SUGP1: variants seen among roughly 807,000 people sequenced by gnomAD.
SUGP1 encodes the protein SURP and G-patch domain-containing protein 1.
SUGP1 carries 34 observed loss-of-function variants against 76.5 expected under a neutral mutation model. That is an observed-to-expected ratio of 0.44 (90% confidence interval 0.34 to 0.59). SUGP1 has a LOEUF of 0.59. SUGP1 is among the 20% of genes least tolerant of loss of function. The probability of loss-of-function intolerance (pLI) is 0.01; values close to 1 mark genes in which losing one functional copy is unlikely to be tolerated. For missense variants in SUGP1, 752 were observed against 851.7 expected (o/e 0.88, Z 1.46); for synonymous variants, 326 against 326.2 (o/e 1.00, Z 0.01).
intron 8 of SUGP1, among the ~76,000 whole-genome samples, chr19:19,285,128 A>C (rs1329421005): frequency 6.6e-6 from 1 of 151,904 alleles, no homozygotes; most frequent in Non-Finnish European, 1.5e-5. Context: ...CGGCCTCCCA[A>C]AGTGCTGGGA....
intron 8 of SUGP1, among the ~76,000 whole-genome samples, chr19:19,282,230 T>A (rs1419906212): frequency 6.6e-6 from 1 of 151,974 alleles, no homozygotes; most frequent in East Asian, 2.0e-4. Context: ...TCTGCCCACC[T>A]TGGCCTCCCA....
At chr19:19,318,403 A>G (rs1185756512) in intron 1 of SUGP1, among the ~76,000 whole-genome samples, 1 of 151,960 alleles carries the variant, frequency 6.6e-6, no homozygotes, top group African/African-American at 2.4e-5. Context: ...TACAGGCGTG[A>G]GCCACCACAC....
intron 7 of SUGP1, among the ~76,000 whole-genome samples, chr19:19,298,240 G>A (rs968529010): frequency 6.6e-6 from 1 of 152,226 alleles, no homozygotes; most frequent in African/African-American, 2.4e-5. Flanking sequence ...GCTCACGCCT[G>A]TAATCCCAGC....
intron 6 of SUGP1, 42 bp from the exon 7 acceptor site, chr19:19,302,430 CA>C (rs779880626): frequency 6.3e-7 from 1 of 1,598,172 alleles, no homozygotes; most frequent in Non-Finnish European, 8.5e-7. Context: ...TCACCACACC[CA>C]ACAGCCTAAT....
Position 19,305,851 on chromosome 19 carries a change from T to C in SUGP1, c.536A>G (p.Lys179Arg), listed in dbSNP as rs149077181. 32 of 1,601,398 alleles carry C rather than the reference T, an allele frequency of 2.0e-5. No homozygotes were observed. In the African/African-American group the frequency reaches 3.2e-4, roughly 16 times the overall value. ...EEDYEQWLEI[K>R]VSPPEGAETR... ...GAGCAGCAGCTCCCACAACTTACCT[T>C]TGATCTCCAGCCACTGCTCATAGTC... The change falls in exon 4 of 14, where the codon AAA (lysine) becomes AGA (arginine). Residue 179 changes from lysine (K) to arginine (R), a missense_variant and splice_region_variant. Around this residue, in one of 2 missense-constraint regions of SUGP1, gnomAD observed 620 missense variants for 617.3 expected, o/e 1.00. Coordinates refer to ENST00000247001, the MANE Select transcript of SUGP1 (RefSeq NM_172231.4).
Position 19,279,287 on chromosome 19 carries a change from C to G in SUGP1, c.1454G>C (p.Ser485Thr). 1 of 1,611,432 alleles carries G rather than the reference C, an allele frequency of 6.2e-7. No individual in the cohort carries two copies. Among genetic ancestry groups the G allele is most frequent in the Non-Finnish European group, 8.5e-7 (1 of 1,179,756 alleles). ...AVQQHQHGYD[S>T]DEEVDSELGT... ...CAGCTCGCTGTCCACCTCCTCATCA[C>G]TGTCATAGCCGTGCTGGTGCTGTTG... Residue 485 changes from serine (S) to threonine (T), a missense_variant, in exon 10 of 14, where the codon AGT becomes ACT. Ser to Thr is a moderately conservative substitution (Grantham distance 58). Coordinates refer to ENST00000247001, the MANE Select transcript of SUGP1 (RefSeq NM_172231.4).
At chr19:19,311,676 A>G (rs2285859) in intron 2 of SUGP1, among the ~76,000 whole-genome samples, 62,146 of 149,084 alleles carry the variant, frequency 0.42, 14,403 homozygotes, top group African/African-American at 0.62. Flanking sequence ...GCAGTGAGCC[A>G]AGATTGCGCC....
At chr19:19,318,595 T>C (rs189911812) in intron 1 of SUGP1, among the ~76,000 whole-genome samples, 1 of 152,178 alleles carries the variant, frequency 6.6e-6, no homozygotes, top group African/African-American at 2.4e-5. Context: ...GGCCTAGCTA[T>C]TTTCTTTTAT....
rs951792533 is a variant in SUGP1 at position 19,296,931 on chromosome 19, T to C, written c.1243+58A>G. ...CTGTGGATGAACCTTGAAGACATTA[T>C]GCTCAGTGAAAGAAGTCAGACCCTT... On this transcript the variant is annotated intron_variant, in intron 8 of 13. Transcript: ENST00000247001. The C allele has an allele frequency of 3.6e-6, 5 of 1,378,184 alleles. No homozygotes were observed. The African/African-American group carries it at 4.3e-5, about 12-fold the overall frequency. 85.4% of individuals were successfully genotyped at this position (1,378,184 alleles called of 1,614,324 possible).
chr19:19,280,356 G>T, intron 8 of SUGP1, 65 bp from the exon 9 acceptor site: 1 of 1,437,112 alleles, frequency 7.0e-7, no homozygotes, highest in Admixed American at 1.7e-5. Flanking sequence ...CTCCTGCGCT[G>T]GGGTGTGCTG....
intron 7 of SUGP1, 88 bp from the exon 8 acceptor site, chr19:19,297,432 C>CAGGAG: frequency 1.5e-4 from 160 of 1,077,542 alleles, no homozygotes; most frequent in Non-Finnish European, 1.9e-4. Context: ...GCCTTGTGTG[C>CAGGAG]CCACGTTGGC....
Position 19,289,001 on chromosome 19 carries a change from G to C in SUGP1, c.1243+7988C>G, listed in dbSNP as rs533738101. Reference sequence around the variant, plus strand: ...GAGTTTCACCATGTTGGTCAGGCTGGTCTCGGACTCCTGACCTTGTGATCT... The same window carrying C: ...GAGTTTCACCATGTTGGTCAGGCTGCTCTCGGACTCCTGACCTTGTGATCT... On this transcript the variant is annotated intron_variant, in intron 8 of 13. Transcript: ENST00000247001. Among the ~76,000 whole-genome samples the C allele has an allele frequency of 5.1e-4, 77 of 151,830 alleles. 1 individual carries two copies. The highest frequency in any genetic ancestry group is 1.7e-3 in the African/African-American group (69 of 41,476).
chr19:19,303,213 G>T, intron 6 of SUGP1, 135 bp downstream of exon 6: 1 of 699,328 alleles, frequency 1.4e-6, no homozygotes. Context: ...GACCCCAGAT[G>T]CCTGGGAGAA....
intron 7 of SUGP1, 88 bp from the exon 8 acceptor site, chr19:19,297,432 C>CAGGAGCAGTT: frequency 3.0e-4 from 326 of 1,077,592 alleles, no homozygotes; most frequent in Non-Finnish European, 3.8e-4. Context: ...GCCTTGTGTG[C>CAGGAGCAGTT]CCACGTTGGC....
At chr19:19,306,325 A>G (rs2061317697) in intron 3 of SUGP1, among the ~76,000 whole-genome samples, 1 of 152,154 alleles carries the variant, frequency 6.6e-6, no homozygotes, top group African/African-American at 2.4e-5. Flanking sequence ...GGCTGGAGGC[A>G]TCTCGGTCGC....
Position 19,303,438 on chromosome 19 carries a change from C to T in SUGP1, c.673G>A (p.Asp225Asn), listed in dbSNP as rs2146616402. 1.9e-6 allele frequency: 3 copies of T among 1,613,920 alleles called. No individual in the cohort carries two copies. Among genetic ancestry groups the T allele is most frequent in the East Asian group, 2.2e-5 (1 of 44,872 alleles). The change falls in exon 6 of 14, where the codon GAT (aspartate) becomes AAT (asparagine). Residue 225 changes from aspartate to asparagine, a missense_variant. Coordinates refer to ENST00000247001, the MANE Select transcript of SUGP1 (RefSeq NM_172231.4). ...TAGAGGAATTCCCTGCTATTCTTAT[C>T]GTGCAAAAATCTGGAGAGGAGGAAG... The part of the protein sequence containing the change: ...KDNPAFAFLH[D>N]KNSREFLYYR...
intron 2 of SUGP1, 149 bp from the exon 3 acceptor site, chr19:19,310,349 C>T (rs529902111): frequency 1.6e-6 from 1 of 641,526 alleles, no homozygotes; most frequent in Admixed American, 2.4e-5. Flanking sequence ...CCCAAACTGG[C>T]CCCCAGAGAT....
At chr19:19,292,637 C>G (rs2061194624) in intron 8 of SUGP1, among the ~76,000 whole-genome samples, 1 of 151,738 alleles carries the variant, frequency 6.6e-6, no homozygotes, top group Non-Finnish European at 1.5e-5. Context: ...TGCACTCCAG[C>G]CTGGGCAACA....
intron 8 of SUGP1, among the ~76,000 whole-genome samples, chr19:19,281,735 T>A (rs2061100513): frequency 1.3e-5 from 2 of 152,220 alleles, no homozygotes; most frequent in Admixed American, 1.3e-4. Context: ...TGCTCCACAG[T>A]GCAGGCTGCA....
Sources: allele counts gnomAD v4.1 joint callset (sites outside exome capture counted in the v4.1 genomes callset), GRCh38; gene constraint gnomAD v4.1.1; regional missense constraint gnomAD v4.1.1; transcripts MANE v1.5; gene names NCBI Gene and HGNC (gene_info 2026-07-23, HGNC 2026-07-21).